The following CNGB3 variants were observed in gnomAD, a reference collection of about 807,000 sequenced individuals.
The protein encoded by CNGB3 is cyclic nucleotide-gated channel beta-3.
CNGB3 carries 86 observed loss-of-function variants against 92.8 expected under a neutral mutation model. That is an observed-to-expected ratio of 0.93 (90% CI 0.78 to 1.11). CNGB3 has a LOEUF of 1.11. Ranked by LOEUF, CNGB3 falls within the 50% of genes least tolerant of loss-of-function variation. The pLI, the probability that CNGB3 is intolerant of heterozygous loss-of-function variation, is 0.00. For missense variants in CNGB3, 1,026 were observed against 956.8 expected (o/e 1.07, Z -0.95); for synonymous variants, 333 against 332.7 (o/e 1.00, Z -0.01).
intron 10 of CNGB3, among the ~76,000 whole-genome samples, chr8:86,635,344 G>C (rs535305472): frequency 5.3e-4 from 81 of 152,174 alleles, no homozygotes; most frequent in Non-Finnish European, 1.0e-3. Flanking sequence ...TCCATGATAA[G>C]TGTTGGGATT....
At chr8:86,636,923 G>A (rs191725955) in intron 10 of CNGB3, among the ~76,000 whole-genome samples, 6 of 152,206 alleles carry the variant, frequency 3.9e-5, no homozygotes, top group Admixed American at 3.9e-4. Context: ...GTCACAAATG[G>A]CAGAATTTCT....
intron 10 of CNGB3, 31 bp downstream of exon 10, chr8:86,643,720 A>G (rs778733616): frequency 3.8e-6 from 6 of 1,599,586 alleles, no homozygotes; most frequent in Non-Finnish European, 2.6e-6. Flanking sequence ...AAAAATAATC[A>G]ATAAAGGTTT....
At position 86,575,657 on chromosome 8, in the gene CNGB3, C is replaced by T. The variant is rs543097492; in HGVS notation, c.*147G>A. 1 of 613,884 alleles carries T rather than the reference C, an allele frequency of 1.6e-6. No homozygotes were observed. Among genetic ancestry groups the T allele is most frequent in the Non-Finnish European group, 2.8e-6 (1 of 354,512 alleles). The allele number at this position is 613,884 out of a possible 1,614,324, so 38.0% of individuals were successfully genotyped here. ...TTACCACTGCATGAAATCACACTCT[C>T]AGATAAGTCCTAGAAACTAAGCTAG... On this transcript the variant is annotated 3_prime_UTR_variant, in exon 18 of 18. Transcript: ENST00000320005.
chr8:86,667,207 G>T (rs993165595), intron 5 of CNGB3, 74 bp from the exon 6 acceptor site: 1 of 1,337,066 alleles, frequency 7.5e-7, no homozygotes. Flanking sequence ...CTTAGTTTGG[G>T]GAGGTTGGGG....
intron 15 of CNGB3, among the ~76,000 whole-genome samples, chr8:86,584,283 A>G (rs1821849674): frequency 6.6e-6 from 1 of 152,192 alleles, no homozygotes; most frequent in South Asian, 2.1e-4. Context: ...TGTTTCATTC[A>G]CATTCCTGTT....
At chr8:86,663,745 G>C (rs1189844632) in intron 6 of CNGB3, among the ~76,000 whole-genome samples, 1 of 152,144 alleles carries the variant, frequency 6.6e-6, no homozygotes, top group Non-Finnish European at 1.5e-5. Flanking sequence ...AGTTTCAAAG[G>C]CTGCAGCTAC....
At chr8:86,589,124 G>A (rs1222424955) in intron 15 of CNGB3, among the ~76,000 whole-genome samples, 4,253 of 150,706 alleles carry the variant, frequency 0.028, 112 homozygotes, top group African/African-American at 0.069. Context: ...GTTTATTTGC[G>A]TAGAGGTGTT....
chr8:86,710,237 A>T (rs12550703), intron 3 of CNGB3, among the ~76,000 whole-genome samples: 1 of 152,184 alleles, frequency 6.6e-6, no homozygotes, highest in African/African-American at 2.4e-5. Context: ...AAATCTGTGC[A>T]CTGTAAATCA....
intron 3 of CNGB3, among the ~76,000 whole-genome samples, chr8:86,675,084 G>T (rs1586009198): frequency 6.6e-6 from 1 of 151,850 alleles, no homozygotes; most frequent in South Asian, 2.1e-4. Flanking sequence ...TCAGCCTCCC[G>T]AGTAGCTGGG....
Position 86,591,413 on chromosome 8 carries a change from A to C in CNGB3, c.1782-12161T>G, listed in dbSNP as rs181447472. On this transcript the variant is annotated intron_variant, in intron 15 of 17. Coordinates refer to ENST00000320005, the MANE Select transcript of CNGB3 (RefSeq NM_019098.5). Reference sequence around the variant, plus strand: ...TGCATTCCTTTGGAGGAGGAGAGGCACTCTGATTTTTAGAGTTTCCAGTTT... The same window carrying C: ...TGCATTCCTTTGGAGGAGGAGAGGCCCTCTGATTTTTAGAGTTTCCAGTTT... 1.1e-4 allele frequency among the ~76,000 whole-genome samples: 17 copies of C among 149,148 alleles called. 1 individual carries two copies. The East Asian group carries it at 3.3e-3, about 29-fold the overall frequency.
chr8:86,737,489 CT>C (rs1298722735), intron 2 of CNGB3, among the ~76,000 whole-genome samples: 2 of 151,948 alleles, frequency 1.3e-5, no homozygotes, highest in Non-Finnish European at 2.9e-5. Flanking sequence ...CAGAGCGGTC[CT>C]TTTTTTAAAT....
intron 14 of CNGB3, 109 bp downstream of exon 14, chr8:86,611,479 C>T: frequency 1.2e-6 from 1 of 800,064 alleles, no homozygotes; most frequent in Non-Finnish European, 2.2e-6. Context: ...TATTTCTATA[C>T]TATGGAATTC....
At chr8:86,578,951 G>A (rs1821710245) in intron 16 of CNGB3, 88 bp from the exon 17 acceptor site, 1 of 1,563,938 alleles carries the variant, frequency 6.4e-7, no homozygotes, top group Non-Finnish European at 8.8e-7. Context: ...ATCCTAACCT[G>A]TGTAGTTTCA....
rs995028959 is a variant in CNGB3 at position 86,574,946 on chromosome 8, T to C, written c.*858A>G. On this transcript the variant is annotated 3_prime_UTR_variant, in exon 18 of 18. Transcript: ENST00000320005. ...ATCACTTTGTTTTACTAAAGCTTAA[T>C]TTTAAACAAGAAGTTCCAATCTGAT... 6.6e-5 allele frequency: 10 copies of C among 152,164 alleles called. No individual in the cohort carries two copies. The highest frequency in any genetic ancestry group is 2.4e-4 in the African/African-American group (10 of 41,424). The allele number at this position is 152,164 out of a possible 1,614,324, so 9.4% of individuals were successfully genotyped here. A position where few individuals can be genotyped will look rare whatever the true frequency, so the allele number is the denominator to read the frequency against.
intron 3 of CNGB3, among the ~76,000 whole-genome samples, chr8:86,700,514 A>T (rs969912053): frequency 1.2e-4 from 19 of 152,186 alleles, no homozygotes; most frequent in Non-Finnish European, 1.2e-4. Flanking sequence ...ACAATTAACG[A>T]GATTAAATTG....
chr8:86,697,549 AC>A (rs1042610387), intron 3 of CNGB3, among the ~76,000 whole-genome samples: 1 of 152,240 alleles, frequency 6.6e-6, no homozygotes, highest in African/African-American at 2.4e-5. Context: ...ATATTACAAG[AC>A]ATTTTCAAAT....
At chr8:86,612,054 C>A (rs1035957014) in intron 13 of CNGB3, among the ~76,000 whole-genome samples, 6 of 151,908 alleles carry the variant, frequency 3.9e-5, no homozygotes, top group East Asian at 3.9e-4. Flanking sequence ...ATATTAGGAC[C>A]AACATAGATC....
chr8:86,671,067 T>C lies in CNGB3; in HGVS notation c.370A>G (p.Ile124Val), dbSNP rs750041313. The C allele has an allele frequency of 6.2e-7, 1 of 1,614,006 alleles. No individual in the cohort carries two copies. Among genetic ancestry groups the C allele is most frequent in the South Asian group, 1.1e-5 (1 of 91,078 alleles). Residue 124 changes from isoleucine to valine, a missense_variant, in exon 4 of 18, where the codon ATA becomes GTA. Transcript: ENST00000320005. ...PQNKPPAAPV[I>V]NEYADAQLHN... ...AGCTGGGCATCGGCATACTCATTTA[T>C]AACAGGAGCTGCAGGCGGTTTGTTT...
At chr8:86,706,001 C>G (rs527864268) in intron 3 of CNGB3, among the ~76,000 whole-genome samples, 1 of 152,272 alleles carries the variant, frequency 6.6e-6, no homozygotes, top group East Asian at 1.9e-4. Context: ...TCAGAACTTT[C>G]TTTACTGAGG....
Sources: allele counts gnomAD v4.1 joint callset (sites outside exome capture counted in the v4.1 genomes callset), GRCh38; gene constraint gnomAD v4.1.1; transcripts MANE v1.5; gene names NCBI Gene and HGNC (gene_info 2026-07-23, HGNC 2026-07-21).